TUSC3: variants seen among roughly 807,000 people sequenced by gnomAD.
The protein encoded by TUSC3 is dolichyl-diphosphooligosaccharide--protein glycosyltransferase subunit TUSC3.
A neutral mutation model predicts 44.8 loss-of-function variants in TUSC3; 45 were observed. The observed-to-expected ratio is 1.00, with a 90% CI of 0.79 to 1.29. TUSC3 has a LOEUF of 1.29. TUSC3 is among the 50% of genes most tolerant of loss of function. The probability of loss-of-function intolerance (pLI) is 0.00; values close to 1 mark genes in which losing one functional copy is unlikely to be tolerated. For synonymous variants in TUSC3, 212 were observed against 152.9 expected (o/e 1.39, Z -2.85); for missense variants, 519 against 437.9 (o/e 1.19, Z -1.65).
chr8:15,686,423 G>A (rs1259671614), intron 6 of TUSC3, among the ~76,000 whole-genome samples: 2 of 151,994 alleles, frequency 1.3e-5, no homozygotes, highest in Non-Finnish European at 1.5e-5. Context: ...GTTATATTCT[G>A]CATGCACATG....
chr8:15,612,073 G>T (rs1232472166), intron 1 of TUSC3, among the ~76,000 whole-genome samples: 2 of 152,164 alleles, frequency 1.3e-5, no homozygotes, highest in South Asian at 2.1e-4. Flanking sequence ...GTTTCTGTGG[G>T]TTAGCAGTTG....
intron 1 of TUSC3, among the ~76,000 whole-genome samples, chr8:15,620,535 C>G (rs1309566118): frequency 1.3e-5 from 2 of 152,016 alleles, no homozygotes; most frequent in Non-Finnish European, 2.9e-5. Context: ...ATATATTTGC[C>G]TAATTCTGAA....
chr8:15,748,603 C>CT (rs1811527440), intron 9 of TUSC3, 138 bp downstream of exon 9: 1 of 804,672 alleles, frequency 1.2e-6, no homozygotes, highest in African/African-American at 1.7e-5. Flanking sequence ...TTTTGAGCAC[C>CT]TGCCATGTGT....
intron 1 of TUSC3, among the ~76,000 whole-genome samples, chr8:15,606,450 A>AT (rs964161800): frequency 6.6e-6 from 1 of 152,028 alleles, no homozygotes; most frequent in African/African-American, 2.4e-5. Flanking sequence ...TTAACACGTG[A>AT]TTTTTGACTG....
chr8:15,697,207 T>A (rs961154181), intron 6 of TUSC3, among the ~76,000 whole-genome samples: 1 of 152,230 alleles, frequency 6.6e-6, no homozygotes, highest in Non-Finnish European at 1.5e-5. Context: ...TCTATCAGTT[T>A]TATTTATATT....
At chr8:15,825,805 C>T in the TUSC3 span, among the ~76,000 whole-genome samples, 4 of 151,284 alleles carry the variant, frequency 2.6e-5, no homozygotes, top group Non-Finnish European at 5.9e-5. Flanking sequence ...GGCTATTTTA[C>T]CTTAAGTTAA....
At chr8:15,545,117 A>G (rs1022003527) in intron 1 of TUSC3, among the ~76,000 whole-genome samples, 1 of 151,724 alleles carries the variant, frequency 6.6e-6, no homozygotes, top group African/African-American at 2.4e-5. Context: ...AGAGTTTGTC[A>G]TATGCCTGAT....
intron 2 of TUSC3, among the ~76,000 whole-genome samples, chr8:15,530,716 C>G (rs79410769): frequency 0.013 from 2,025 of 152,300 alleles, 22 homozygotes; most frequent in South Asian, 0.027. Flanking sequence ...AGTAAATGCT[C>G]ATAATAACAC....
At chr8:15,503,275 AG>A (rs1432120944) in intron 2 of TUSC3, among the ~76,000 whole-genome samples, 1 of 152,182 alleles carries the variant, frequency 6.6e-6, no homozygotes, top group Admixed American at 6.5e-5. Context: ...CCAAGGAGAG[AG>A]GCCTCAGAAG....
chr8:15,716,457 GAA>G (rs1192202421), intron 6 of TUSC3, among the ~76,000 whole-genome samples: 2 of 151,868 alleles, frequency 1.3e-5, no homozygotes, highest in Non-Finnish European at 2.9e-5. Context: ...AATCTATAAA[GAA>G]AAAGAGTTGT....
At chr8:15,747,535 T>TACTA (rs1166846796) in intron 8 of TUSC3, among the ~76,000 whole-genome samples, 2 of 152,080 alleles carry the variant, frequency 1.3e-5, no homozygotes, top group African/African-American at 4.8e-5. Context: ...GTTTAGATTG[T>TACTA]ACTAACTGCA....
At chr8:15,613,657 A>G (rs911937511) in intron 1 of TUSC3, among the ~76,000 whole-genome samples, 5 of 152,104 alleles carry the variant, frequency 3.3e-5, no homozygotes, top group African/African-American at 9.7e-5. Flanking sequence ...TTTATAAATT[A>G]CCCAGTCTCG....
chr8:15,726,934 A>G (rs1810519005), intron 6 of TUSC3, among the ~76,000 whole-genome samples: 1 of 152,210 alleles, frequency 6.6e-6, no homozygotes, highest in African/African-American at 2.4e-5. Flanking sequence ...AAGCCTGCAC[A>G]CATTTTTTTC....
intron 1 of TUSC3, among the ~76,000 whole-genome samples, chr8:15,452,224 C>T (rs1800204027): frequency 6.6e-6 from 1 of 152,184 alleles, no homozygotes; most frequent in South Asian, 2.1e-4. Flanking sequence ...CAACCATATT[C>T]TTAAGTTATG....
At chr8:15,449,809 C>G (rs910411693) in intron 1 of TUSC3, among the ~76,000 whole-genome samples, 2 of 152,092 alleles carry the variant, frequency 1.3e-5, no homozygotes, top group African/African-American at 4.8e-5. Context: ...GGTAAGTGCC[C>G]TATGTAGGTG....
intron 5 of TUSC3, among the ~76,000 whole-genome samples, chr8:15,665,213 A>G (rs1807606535): frequency 6.6e-6 from 1 of 151,608 alleles, no homozygotes; most frequent in Non-Finnish European, 1.5e-5. Context: ...CTCTTAAAAT[A>G]AAACAGTAAT....
At chr8:15,521,138 T>C (rs1336940379) in intron 2 of TUSC3, among the ~76,000 whole-genome samples, 1 of 152,144 alleles carries the variant, frequency 6.6e-6, no homozygotes, top group Non-Finnish European at 1.5e-5. Context: ...CACCTCTCAC[T>C]TCTAAGCTGC....
intron 2 of TUSC3, among the ~76,000 whole-genome samples, chr8:15,523,687 T>G (rs1270940517): frequency 1.7e-5 from 2 of 120,598 alleles, no homozygotes; most frequent in Admixed American, 8.0e-5. Flanking sequence ...TGTGTGTGTG[T>G]GTGTGTGTGT....
At chr8:15,659,388 A>G in intron 3 of TUSC3, 119 bp from the exon 4 acceptor site, 2 of 1,315,774 alleles carry the variant, frequency 1.5e-6, no homozygotes, top group South Asian at 1.3e-5. Context: ...ACCTCTGGAA[A>G]ACCACTTGGA....
Sources: gnomAD v4.1 joint callset for allele counts (sites outside exome capture counted in the v4.1 genomes callset) on GRCh38, gnomAD v4.1.1 for gene constraint, MANE v1.5 for transcripts, NCBI Gene and HGNC (gene_info 2026-07-23, HGNC 2026-07-21) for gene names.